Variants in CSMD3 observed in about 807,000 individuals in gnomAD.
The protein encoded by CSMD3 is CUB and Sushi multiple domains 3.
A neutral mutation model predicts 435.2 loss-of-function variants in CSMD3; 177 were observed. That is an observed-to-expected ratio of 0.41 (90% confidence interval 0.36 to 0.46). CSMD3 has a LOEUF of 0.46. Among genes scored for constraint, CSMD3 ranks in the 20% least tolerant of loss-of-function variants. CSMD3 has a pLI of 0.34. For missense variants in CSMD3, 4,265 were observed against 4,504.6 expected (o/e 0.95, Z 1.52); for synonymous variants, 1,656 against 1,520.5 (o/e 1.09, Z -2.07).
intron 10 of CSMD3, among the ~76,000 whole-genome samples, chr8:112,905,253 G>C (rs1440147661): frequency 6.7e-6 from 1 of 149,742 alleles, no homozygotes; most frequent in Non-Finnish European, 1.5e-5. Flanking sequence ...TTGTTTAATT[G>C]GTCACAAATC....
intron 11 of CSMD3, among the ~76,000 whole-genome samples, chr8:112,831,557 G>T (rs1156801344): frequency 2.4e-4 from 34 of 142,960 alleles, no homozygotes; most frequent in Middle Eastern, 3.7e-3. Flanking sequence ...ATGTAAAAGT[G>T]TTTTTTTTTT....
chr8:112,374,772 G>T (rs1231963235), intron 38 of CSMD3, among the ~76,000 whole-genome samples: 3 of 152,094 alleles, frequency 2.0e-5, no homozygotes, highest in Non-Finnish European at 4.4e-5. Context: ...CTTCTAATAG[G>T]TTGCCACCTT....
chr8:112,806,921 C>G (rs1712318299), intron 12 of CSMD3, among the ~76,000 whole-genome samples: 2 of 152,148 alleles, frequency 1.3e-5, no homozygotes, highest in South Asian at 4.1e-4. Context: ...TTAGGAGATT[C>G]GAAATCAAAC....
chr8:113,023,394 T>G (rs1385511316), intron 5 of CSMD3, among the ~76,000 whole-genome samples: 1 of 151,898 alleles, frequency 6.6e-6, no homozygotes, highest in Non-Finnish European at 1.5e-5. Context: ...CTAATTTTAC[T>G]TGTCTCTCTC....
intron 32 of CSMD3, among the ~76,000 whole-genome samples, chr8:112,424,271 A>G (rs1812823553): frequency 6.6e-6 from 1 of 152,192 alleles, no homozygotes; most frequent in African/African-American, 2.4e-5. Flanking sequence ...AACCTTATCT[A>G]TTTACTAATT....
chr8:112,484,751 G>T (rs1819958165), intron 31 of CSMD3, among the ~76,000 whole-genome samples: 1 of 152,034 alleles, frequency 6.6e-6, no homozygotes, highest in African/African-American at 2.4e-5. Flanking sequence ...TCCAAAATCT[G>T]AAATTTTTGA....
rs756847056 is a variant in CSMD3 at position 113,025,400 on chromosome 8, T to A, written c.918-6221A>T. 5.9e-5 allele frequency among the ~76,000 whole-genome samples: 9 copies of A among 152,296 alleles called. No individual in the cohort carries two copies. The South Asian group carries it at 8.3e-4, about 14-fold the overall frequency. On this transcript the variant is annotated intron_variant, in intron 5 of 70. Coordinates refer to ENST00000297405, the MANE Select transcript of CSMD3 (RefSeq NM_198123.2). ...TTCGCATCAGCAATGTCTGAGTGTG[T>A]CAGTGCTCTGGACTGCAAAAACTTA...
At chr8:112,943,746 T>C (rs750145926) in intron 9 of CSMD3, among the ~76,000 whole-genome samples, 3 of 151,808 alleles carry the variant, frequency 2.0e-5, no homozygotes, top group South Asian at 4.1e-4. Flanking sequence ...AAGTTCTTTT[T>C]CCCCCTTTGA....
chr8:113,429,227 G>A (rs2094655252), intron 1 of CSMD3, among the ~76,000 whole-genome samples: 1 of 144,760 alleles, frequency 6.9e-6, no homozygotes, highest in Non-Finnish European at 1.5e-5. Flanking sequence ...ATAGAATTTT[G>A]AATAATTGTC....
At chr8:112,470,477 G>A (rs779051196) in intron 32 of CSMD3, among the ~76,000 whole-genome samples, 1 of 152,052 alleles carries the variant, frequency 6.6e-6, no homozygotes, top group Admixed American at 6.6e-5. Flanking sequence ...TGCTACTTTA[G>A]AGATGTGTAG....
intron 10 of CSMD3, among the ~76,000 whole-genome samples, chr8:112,910,946 G>A (rs1360578675): frequency 6.6e-6 from 1 of 151,816 alleles, no homozygotes; most frequent in African/African-American, 2.4e-5. Context: ...GATCACATCT[G>A]ATTTATAAAA....
intron 31 of CSMD3, among the ~76,000 whole-genome samples, chr8:112,477,527 C>G (rs1819177983): frequency 1.3e-5 from 2 of 152,192 alleles, no homozygotes; most frequent in Admixed American, 6.5e-5. Context: ...GGACAGATCC[C>G]TCATGAATGT....
chr8:113,127,100 A>G (rs150284365), intron 4 of CSMD3, among the ~76,000 whole-genome samples: 2,557 of 152,118 alleles, frequency 0.017, 39 homozygotes, highest in Middle Eastern at 0.037. Context: ...TATTATACAA[A>G]TGAACTCTTT....
At chr8:112,235,468 G>C (rs866977755) in intron 67 of CSMD3, among the ~76,000 whole-genome samples, 8 of 152,080 alleles carry the variant, frequency 5.3e-5, no homozygotes, top group South Asian at 4.1e-4. Context: ...TAAAAATAAA[G>C]TAGAATTTTT....
chr8:112,638,987 T>C, intron 20 of CSMD3, 76 bp from the exon 21 acceptor site: 1 of 963,308 alleles, frequency 1.0e-6, no homozygotes, highest in Non-Finnish European at 1.6e-6. Context: ...AACTAACTAT[T>C]AGCCAGGACT....
chr8:112,358,901 A>G (rs1161019652), intron 38 of CSMD3, among the ~76,000 whole-genome samples: 1 of 152,162 alleles, frequency 6.6e-6, no homozygotes, highest in Non-Finnish European at 1.5e-5. Context: ...TATCCCCTAA[A>G]TCTAAAATAA....
chr8:112,533,811 G>A (rs965856010), intron 27 of CSMD3, among the ~76,000 whole-genome samples: 4 of 152,062 alleles, frequency 2.6e-5, no homozygotes, highest in African/African-American at 9.7e-5. Context: ...AGCTGCTGCA[G>A]AGTATACATA....
chr8:113,311,823 A>G (rs1212375937), intron 2 of CSMD3: 1 of 152,172 alleles, frequency 6.6e-6, no homozygotes, highest in Non-Finnish European at 1.5e-5. Flanking sequence ...TTAAATGTTT[A>G]CAGTGAGCAA....
chr8:112,673,819 G>A (rs540637669), intron 16 of CSMD3, among the ~76,000 whole-genome samples: 1 of 152,248 alleles, frequency 6.6e-6, no homozygotes, highest in South Asian at 2.1e-4. Flanking sequence ...TCCCATTAGG[G>A]AGTAGGAAGG....
Sources: gnomAD v4.1 joint callset for allele counts (sites outside exome capture counted in the v4.1 genomes callset) on GRCh38, gnomAD v4.1.1 for gene constraint, MANE v1.5 for transcripts, NCBI Gene and HGNC (gene_info 2026-07-23, HGNC 2026-07-21) for gene names.